The following AKT1S1 variants were observed in gnomAD, a reference collection of about 807,000 sequenced individuals.
AKT1S1 encodes AKT1 substrate 1.
A neutral mutation model predicts 21.2 loss-of-function variants in AKT1S1; 17 were observed. The observed-to-expected ratio is 0.80, with a 90% CI of 0.55 to 1.20. AKT1S1 has a LOEUF of 1.20. Among genes scored for constraint, AKT1S1 ranks in the 50% most tolerant of loss-of-function variants. The pLI, the probability that AKT1S1 is intolerant of heterozygous loss-of-function variation, is 0.00. For missense variants in AKT1S1, 366 were observed against 368.3 expected, an observed-to-expected ratio of 0.99 and a Z score of 0.05; for synonymous variants, 181 against 165.6, an observed-to-expected ratio of 1.09 and a Z score of -0.72.
chr19:49,878,278 A>AGCGGGATGCAGGCGGT, upstream of AKT1S1: 1 of 1,538,388 alleles, frequency 6.5e-7, no homozygotes, highest in Non-Finnish European at 8.8e-7. Context: ...ACCCGCTCCG[A>AGCGGGATGCAGGCGGT]GCGGGATGCA....
chr19:49,877,058 C>T (rs2074956874), intron 1 of AKT1S1, 179 bp downstream of exon 1: 1 of 201,864 alleles, frequency 5.0e-6, no homozygotes, highest in East Asian at 1.1e-4. Flanking sequence ...TGGCAAAGAT[C>T]CAACACGGCA....
chr19:49,876,071 G>A (rs936161828), intron 1 of AKT1S1: 72 of 985,650 alleles, frequency 7.3e-5, no homozygotes, highest in Non-Finnish European at 8.4e-5. Context: ...GGAGGAGAGG[G>A]GTGGAACCAC....
Position 49,869,817 on chromosome 19 carries a change from C to G in AKT1S1, c.*100G>C. On this transcript the variant is annotated 3_prime_UTR_variant, in exon 5 of 5. Coordinates refer to ENST00000344175, the MANE Select transcript of AKT1S1 (RefSeq NM_001098633.4). ...CTTGGGAATGGGAGACGCAAGGAGGCCGGTCCCGGATCGGCCTCAGATTAG... is the reference window on the plus strand; with the variant it reads ...CTTGGGAATGGGAGACGCAAGGAGGGCGGTCCCGGATCGGCCTCAGATTAG... 1 of 1,239,630 alleles carries G rather than the reference C, an allele frequency of 8.1e-7. No individual in the cohort carries two copies. Among genetic ancestry groups the G allele is most frequent in the African/African-American group, 1.6e-5 (1 of 63,634 alleles). The allele number at this position is 1,239,630 out of a possible 1,614,324, so 76.8% of individuals were successfully genotyped here.
Position 49,869,738 on chromosome 19 carries a change from G to T in AKT1S1, c.*179C>A. 1.5e-6 allele frequency: 1 copy of T among 661,806 alleles called. No homozygotes were observed. Among genetic ancestry groups the T allele is most frequent in the Non-Finnish European group, 2.3e-6 (1 of 434,918 alleles). The allele number at this position is 661,806 out of a possible 1,614,324, so 41.0% of individuals were successfully genotyped here. ...GAAACGGGACAGATGCCGCTCCTCGGCGCGGCAGGTCGTGGGCTGGAAGGA... is the reference window on the plus strand; with the variant it reads ...GAAACGGGACAGATGCCGCTCCTCGTCGCGGCAGGTCGTGGGCTGGAAGGA... On this transcript the variant is annotated 3_prime_UTR_variant, in exon 5 of 5. Transcript: ENST00000344175.
intron 3 of AKT1S1, 34 bp from the exon 4 acceptor site, chr19:49,871,750 T>C (rs1327618551): frequency 4.3e-6 from 7 of 1,611,066 alleles, no homozygotes; most frequent in Non-Finnish European, 8.5e-7. Context: ...CTTCTGTCCC[T>C]GCCTTTGTGT....
chr19:49,877,792 C>T (rs1349912778), upstream of AKT1S1: 1 of 1,559,206 alleles, frequency 6.4e-7, no homozygotes, highest in Admixed American at 2.0e-5. Flanking sequence ...GCGAAACGCC[C>T]CGTCTAGTGA....
chr19:49,876,819 T>G, intron 1 of AKT1S1: 1 of 719,114 alleles, frequency 1.4e-6, no homozygotes, highest in South Asian at 2.7e-5. Flanking sequence ...TGGCCCCGCC[T>G]AGAGCATTTC....
rs1357379082 is a variant in AKT1S1 at position 49,871,565 on chromosome 19, T to C, written c.609A>G (p.Ser203=). ...CCCTCACCGGCCCATTCTCCTCATC[T>C]GATGACCGCGCCTCTGTCCTCTTCT... ...FKEKRTEARS[S]DEENGPPSSP... is the part of the protein sequence containing the mutation. Residue 203 remains serine, a synonymous_variant, in exon 4 of 5, where the codon TCA becomes TCG. Transcript: ENST00000344175. 1 of 1,613,866 alleles carries C rather than the reference T, an allele frequency of 6.2e-7. No individual in the cohort carries two copies. Among genetic ancestry groups the C allele is most frequent in the East Asian group, 2.2e-5 (1 of 44,884 alleles).
chr19:49,875,739 G>A, intron 1 of AKT1S1: 1 of 542,776 alleles, frequency 1.8e-6, no homozygotes, highest in Non-Finnish European at 2.3e-6. Context: ...TGAGTGAGTT[G>A]TGAGGGCTCC....
intron 1 of AKT1S1, chr19:49,876,736 A>C: frequency 2.9e-6 from 4 of 1,389,708 alleles, no homozygotes; most frequent in Non-Finnish European, 3.8e-6. Context: ...GCCGCCCGAG[A>C]TCAAGATGGC....
chr19:49,876,273 C>A (rs1156980411), intron 1 of AKT1S1: 7 of 1,159,982 alleles, frequency 6.0e-6, no homozygotes, highest in Non-Finnish European at 7.4e-6. Flanking sequence ...AGGCCAGGAC[C>A]GGAAGTCCCG....
In AKT1S1 at chr19:49,877,291, G is replaced by A; in HGVS notation, c.-62C>T. The A allele has an allele frequency of 5.5e-6, 1 of 183,294 alleles. No individual in the cohort carries two copies. 11.4% of individuals were successfully genotyped at this position (183,294 alleles called of 1,614,324 possible). The stretch of plus-strand genomic sequence containing the variant: ...CAGCTGTCGCGCCCCGCAGAGAGAT[G>A]GGACAGCCCCGTATTAACATGGCCT... On this transcript the variant is annotated 5_prime_UTR_variant, in exon 1 of 5. Coordinates refer to ENST00000344175, the MANE Select transcript of AKT1S1 (RefSeq NM_001098633.4).
upstream of AKT1S1, chr19:49,877,364 G>A: frequency 3.3e-6 from 1 of 299,364 alleles, no homozygotes; most frequent in Non-Finnish European, 6.3e-6. Context: ...GTACCTCCTT[G>A]GCTTCAATTC....
rs2074849757 is a variant in AKT1S1 at position 49,869,061 on chromosome 19, T to A, written c.*856A>T. 6.6e-6 allele frequency: 1 copy of A among 152,644 alleles called. No homozygotes were observed. The highest frequency in any genetic ancestry group is 2.1e-4 in the South Asian group (1 of 4,836). The allele number at this position is 152,644 out of a possible 1,614,324, so 9.5% of individuals were successfully genotyped here. A position where few individuals can be genotyped will look rare whatever the true frequency, so the allele number is the denominator to read the frequency against. On this transcript the variant is annotated 3_prime_UTR_variant, in exon 5 of 5. Transcript: ENST00000344175. ...ACATTTATCTCAGAGGTAAAACTCT[T>A]TAATCTCAGAGCGCCCCTCCCAACT...
upstream of AKT1S1, chr19:49,877,512 C>T: frequency 3.6e-6 from 2 of 553,688 alleles, no homozygotes; most frequent in South Asian, 4.5e-5. Context: ...TAGCCGGATC[C>T]ACCTTCAGCG....
At chr19:49,875,483 G>A (rs1428428728) in intron 1 of AKT1S1, among the ~76,000 whole-genome samples, 1 of 152,202 alleles carries the variant, frequency 6.6e-6, no homozygotes, top group African/African-American at 2.4e-5. Context: ...GGGGTACCCG[G>A]TGTCTCAAAC....
At chr19:49,877,885 C>A, upstream of AKT1S1, 1 of 1,064,286 alleles carries the variant, frequency 9.4e-7, no homozygotes, top group Non-Finnish European at 1.3e-6. Context: ...CGCCGTCACC[C>A]TCCCGTCCAC....
upstream of AKT1S1, chr19:49,878,010 G>A (rs948419498): frequency 2.7e-5 from 21 of 788,928 alleles, no homozygotes; most frequent in Non-Finnish European, 3.7e-5. Flanking sequence ...CATTCTCCCC[G>A]CCTTGGTCCC....
intron 4 of AKT1S1, 53 bp downstream of exon 4, chr19:49,871,494 C>T (rs1368931812): frequency 2.1e-5 from 34 of 1,607,224 alleles, no homozygotes; most frequent in Middle Eastern, 1.7e-4. Flanking sequence ...CTGGAGGAGG[C>T]GGCTCAGAGC....
Sources: allele counts gnomAD v4.1 joint callset (sites outside exome capture counted in the v4.1 genomes callset), GRCh38; gene constraint gnomAD v4.1.1; transcripts MANE v1.5; gene names NCBI Gene and HGNC (gene_info 2026-07-23, HGNC 2026-07-21).